Variants in CAMK4 observed in about 807,000 individuals in gnomAD.
The protein encoded by CAMK4 is calcium/calmodulin-dependent protein kinase type IV.
Under a neutral mutation model 44.9 loss-of-function variants are expected in CAMK4, and 22 were observed. The ratio of observed to expected loss-of-function variants is 0.49; its 90% CI spans 0.35 to 0.70. The LOEUF is 0.70. Among genes scored for constraint, CAMK4 ranks in the 30% least tolerant of loss-of-function variants. The pLI is 0.01. For synonymous variants in CAMK4, 218 were observed against 215.4 expected (o/e 1.01, Z -0.11); for missense variants, 498 against 586.8 (o/e 0.85, Z 1.56).
chr5:111,348,859 C>G (rs986793723), intron 2 of CAMK4, among the ~76,000 whole-genome samples: 2 of 151,994 alleles, frequency 1.3e-5, no homozygotes, highest in African/African-American at 4.8e-5. Context: ...GAAAGCATTT[C>G]AAGATCTTGC....
intron 5 of CAMK4, among the ~76,000 whole-genome samples, chr5:111,399,629 T>G (rs991707416): frequency 6.6e-6 from 1 of 152,232 alleles, no homozygotes. Flanking sequence ...TCATTCTGTA[T>G]TTTTTCTTTC....
At chr5:111,433,003 T>C (rs1161192122) in intron 5 of CAMK4, among the ~76,000 whole-genome samples, 1 of 152,106 alleles carries the variant, frequency 6.6e-6, no homozygotes, top group Non-Finnish European at 1.5e-5. Context: ...TATTTGACTA[T>C]GGATAAAAAG....
In CAMK4 at chr5:111,428,775, G is replaced by A. The variant is rs77052193; in HGVS notation, c.460-17911G>A. On this transcript the variant is annotated intron_variant, in intron 5 of 10. Transcript: ENST00000282356. ...CAAATCTAAAGAGAAGGTAGAGAAA[G>A]AGATATGGGTAGAAAGTTTAATAAC... 4.3e-4 allele frequency among the ~76,000 whole-genome samples: 65 copies of A among 152,274 alleles called. No homozygotes were observed. In the East Asian group the frequency reaches 8.5e-3, roughly 20 times the overall value.
chr5:111,442,325 C>G (rs1753853665), intron 5 of CAMK4, among the ~76,000 whole-genome samples: 1 of 152,086 alleles, frequency 6.6e-6, no homozygotes, highest in Non-Finnish European at 1.5e-5. Flanking sequence ...GAAACCCTGT[C>G]TCTACTAAAA....
Position 111,426,522 on chromosome 5 carries a change from A to G in CAMK4, c.460-20164A>G, listed in dbSNP as rs1352910004. 4.6e-5 allele frequency among the ~76,000 whole-genome samples: 7 copies of G among 152,186 alleles called. No homozygotes were observed. The East Asian group carries it at 7.7e-4, about 17-fold the overall frequency. On this transcript the variant is annotated intron_variant, in intron 5 of 10. Coordinates refer to ENST00000282356, the MANE Select transcript of CAMK4 (RefSeq NM_001744.6). ...GTCAACAGCTATCTACACAGAAAAAAGCACCTTCATAAGAACCCCAAATCA... is the reference window on the plus strand; with the variant it reads ...GTCAACAGCTATCTACACAGAAAAAGGCACCTTCATAAGAACCCCAAATCA...
intron 1 of CAMK4, among the ~76,000 whole-genome samples, chr5:111,252,333 A>G (rs1326136507): frequency 6.6e-6 from 1 of 152,230 alleles, no homozygotes; most frequent in Admixed American, 6.5e-5. Context: ...TGGCATAACC[A>G]TAAACCATGG....
At chr5:111,448,513 G>GA (rs1299594668) in intron 6 of CAMK4, among the ~76,000 whole-genome samples, 1 of 152,118 alleles carries the variant, frequency 6.6e-6, no homozygotes, top group African/African-American at 2.4e-5. Context: ...ATTACTTTAA[G>GA]AAAAAATAGC....
chr5:111,317,297 G>A (rs1748466324), intron 1 of CAMK4, among the ~76,000 whole-genome samples: 2 of 152,180 alleles, frequency 1.3e-5, no homozygotes, highest in South Asian at 4.1e-4. Context: ...GTTAGTTTAA[G>A]GCAACCATTT....
At chr5:111,339,931 T>G (rs1349937655) in intron 1 of CAMK4, among the ~76,000 whole-genome samples, 4 of 151,308 alleles carry the variant, frequency 2.6e-5, no homozygotes, top group African/African-American at 9.7e-5. Flanking sequence ...AGTATACAGA[T>G]CTTTCACTTC....
At chr5:111,464,414 G>T (rs1029777500) in intron 7 of CAMK4, among the ~76,000 whole-genome samples, 3 of 152,194 alleles carry the variant, frequency 2.0e-5, no homozygotes, top group African/African-American at 7.2e-5. Flanking sequence ...AAACATATTT[G>T]TGGGAATAGT....
chr5:111,224,517 T>C lies in CAMK4; in HGVS notation c.34T>C (p.Ser12Pro). 1.2e-6 allele frequency: 2 copies of C among 1,610,866 alleles called. No homozygotes were observed. The highest frequency in any genetic ancestry group is 1.7e-6 in the Non-Finnish European group (2 of 1,179,280). Reference sequence around the variant, plus strand: ...AGTCACGGTGCCCTCCTGCTCCGCCTCGTCCTGCTCTTCGGTCACCGCCAG... The same window carrying C: ...AGTCACGGTGCCCTCCTGCTCCGCCCCGTCCTGCTCTTCGGTCACCGCCAG... ...LKVTVPSCSA[S>P]SCSSVTASAA... is the part of the protein sequence containing the mutation. The change falls in exon 1 of 11, where the codon TCG becomes CCG. Residue 12 changes from serine to proline, a missense_variant. Physicochemically the swap from Ser to Pro is moderately conservative, Grantham distance 74 (BLOSUM62 -1). Transcript: ENST00000282356. The surrounding 1 kb of genome is among the most constrained non-coding windows in gnomAD (Gnocchi z 5.7).
In CAMK4 at chr5:111,488,526, G is replaced by A. The variant is rs534981158; in HGVS notation, c.*4060G>A. ...ATTCAGAATGTTTAGCAATCCCTAT[G>A]TCCTGTTTCACATGCATGGTAACTG... On this transcript the variant is annotated 3_prime_UTR_variant, in exon 11 of 11. Transcript: ENST00000282356. The A allele has an allele frequency of 7.2e-5, 11 of 152,240 alleles. No individual in the cohort carries two copies. The South Asian group carries it at 1.9e-3, about 26-fold the overall frequency. The allele number at this position is 152,240 out of a possible 1,614,324, so 9.4% of individuals were successfully genotyped here.
chr5:111,228,550 AAAACAG>A (rs1748311708), intron 1 of CAMK4, among the ~76,000 whole-genome samples: 2 of 108,286 alleles, frequency 1.8e-5, no homozygotes, highest in Non-Finnish European at 3.8e-5. Flanking sequence ...GTGTGTGTAT[AAAACAG>A]AAACAATTTC....
intron 1 of CAMK4, among the ~76,000 whole-genome samples, chr5:111,336,539 C>T (rs1206838803): frequency 6.6e-6 from 1 of 150,838 alleles, no homozygotes; most frequent in African/African-American, 2.4e-5. Context: ...TTAGCTTACT[C>T]TTTCTTGCCT....
At position 111,429,941 on chromosome 5, in the gene CAMK4, G is replaced by C. The variant is rs144148821; in HGVS notation, c.460-16745G>C. 4.5e-4 allele frequency among the ~76,000 whole-genome samples: 67 copies of C among 147,510 alleles called. No individual in the cohort carries two copies. The East Asian group carries it at 8.4e-3, about 19-fold the overall frequency. On this transcript the variant is annotated intron_variant, in intron 5 of 10. Transcript: ENST00000282356. ...CCAAAAAAAAAAAAAAAATAGAAGA[G>C]GAGGGAATACCTCCAAACTCATTCT...
At chr5:111,258,342 T>C (rs1406223426) in intron 1 of CAMK4, among the ~76,000 whole-genome samples, 2 of 152,328 alleles carry the variant, frequency 1.3e-5, no homozygotes, top group East Asian at 1.9e-4. Flanking sequence ...TCAGGCTGAC[T>C]AACATACCTA....
intron 5 of CAMK4, among the ~76,000 whole-genome samples, chr5:111,443,680 C>A (rs1753927790): frequency 6.6e-6 from 1 of 152,044 alleles, no homozygotes; most frequent in Admixed American, 6.6e-5. Context: ...GCCAGAACAA[C>A]ATTTAGTGAG....
At chr5:111,335,670 A>G (rs1459481335) in intron 1 of CAMK4, among the ~76,000 whole-genome samples, 1 of 151,334 alleles carries the variant, frequency 6.6e-6, no homozygotes, top group Non-Finnish European at 1.5e-5. Flanking sequence ...TACTTGAAAC[A>G]TATTCAGGAA....
In CAMK4 at chr5:111,412,001, T is replaced by A. The variant is rs187564166; in HGVS notation, c.459+17219T>A. Among the ~76,000 whole-genome samples, 6 of 152,224 alleles carry A rather than the reference T, an allele frequency of 3.9e-5. No individual in the cohort carries two copies. The East Asian group carries it at 1.2e-3, about 29-fold the overall frequency. ...GTTTAAGAAGTTATTAATCACCAGC[T>A]TGAAATAAAAATAAAGCTCTGCTTA... is the stretch of plus-strand genomic sequence containing the variant. On this transcript the variant is annotated intron_variant, in intron 5 of 10. Coordinates refer to ENST00000282356, the MANE Select transcript of CAMK4 (RefSeq NM_001744.6).
Sources: gnomAD v4.1 joint callset for allele counts (sites outside exome capture counted in the v4.1 genomes callset) on GRCh38, gnomAD v4.1.1 for gene constraint, Gnocchi (gnomAD v3.1) non-coding constraint, MANE v1.5 for transcripts, NCBI Gene and HGNC (gene_info 2026-07-23, HGNC 2026-07-21) for gene names.